EFR3A: variants seen among roughly 807,000 people sequenced by gnomAD.
The protein encoded by EFR3A is protein EFR3 homolog A.
In EFR3A, 76 loss-of-function variants were observed where a neutral mutation model predicts 104.4. That is an observed-to-expected ratio of 0.73 (90% CI 0.60 to 0.88). The LOEUF (loss-of-function observed/expected upper bound fraction) is 0.88. EFR3A is among the 40% of genes least tolerant of loss of function. The probability of loss-of-function intolerance (pLI) is 0.00; values close to 1 mark genes in which losing one functional copy is unlikely to be tolerated. For missense variants in EFR3A, 985 were observed against 1,012.5 expected (o/e 0.97, Z 0.37); for synonymous variants, 330 against 330.0 (o/e 1.00, Z 0.00).
intron 1 of EFR3A, among the ~76,000 whole-genome samples, chr8:131,930,999 C>T (rs970243041): frequency 1.4e-4 from 22 of 152,278 alleles, no homozygotes; most frequent in African/African-American, 5.3e-4. Flanking sequence ...AAATTCTCTA[C>T]ATCATTATAC....
At chr8:131,905,879 T>C (rs1481485907) in intron 1 of EFR3A, among the ~76,000 whole-genome samples, 1 of 152,228 alleles carries the variant, frequency 6.6e-6, no homozygotes, top group African/African-American at 2.4e-5. Flanking sequence ...AATTTTTAGT[T>C]ATGTTCTAGG....
intron 5 of EFR3A, among the ~76,000 whole-genome samples, chr8:131,950,737 T>C (rs917644884): frequency 1.3e-5 from 2 of 152,160 alleles, no homozygotes; most frequent in African/African-American, 4.8e-5. Flanking sequence ...GTTAGTACTT[T>C]TTGAGTGAAT....
chr8:132,007,494 C>G (rs146176638), intron 22 of EFR3A, among the ~76,000 whole-genome samples: 1 of 151,918 alleles, frequency 6.6e-6, no homozygotes, highest in African/African-American at 2.4e-5. Context: ...GAGAGATATA[C>G]CATGTTCATG....
At chr8:131,918,555 A>G (rs1184043144) in intron 1 of EFR3A, among the ~76,000 whole-genome samples, 2 of 152,184 alleles carry the variant, frequency 1.3e-5, no homozygotes, top group Admixed American at 6.5e-5. Flanking sequence ...GGATAGAGAA[A>G]TTACTTAAAA....
chr8:131,977,542 G>T (rs1820386760), intron 12 of EFR3A, among the ~76,000 whole-genome samples: 1 of 152,168 alleles, frequency 6.6e-6, no homozygotes. Flanking sequence ...AAAATTTGAA[G>T]TGGCTATAAG....
intron 7 of EFR3A, among the ~76,000 whole-genome samples, chr8:131,957,600 T>C (rs1045792627): frequency 1.3e-5 from 2 of 152,170 alleles, no homozygotes; most frequent in African/African-American, 4.8e-5. Context: ...TCTGCCTGCC[T>C]TGGCATCCCA....
intron 22 of EFR3A, among the ~76,000 whole-genome samples, chr8:132,009,659 G>A (rs1409748635): frequency 2.6e-5 from 4 of 152,042 alleles, no homozygotes; most frequent in African/African-American, 4.8e-5. Flanking sequence ...ACTGACCAGC[G>A]AGGAAGGGTC....
At chr8:131,944,418 G>C (rs1321246469) in intron 2 of EFR3A, among the ~76,000 whole-genome samples, 1 of 152,016 alleles carries the variant, frequency 6.6e-6, no homozygotes, top group Non-Finnish European at 1.5e-5. Flanking sequence ...TTTTTAAACT[G>C]AAACAAATTT....
At chr8:131,996,754 A>T (rs959323084) in intron 19 of EFR3A, among the ~76,000 whole-genome samples, 1 of 152,130 alleles carries the variant, frequency 6.6e-6, no homozygotes, top group Non-Finnish European at 1.5e-5. Context: ...ATTATAATTT[A>T]GTGTAATAAA....
intron 1 of EFR3A, among the ~76,000 whole-genome samples, chr8:131,919,342 A>C (rs923980506): frequency 7.2e-5 from 11 of 152,138 alleles, no homozygotes; most frequent in Non-Finnish European, 1.5e-4. Flanking sequence ...TCATGCCTGT[A>C]ATCCCAGCAC....
Position 131,976,114 on chromosome 8 carries a change from C to A in EFR3A, c.1247C>A (p.Thr416Asn). ...AAAGTACCTGTCTTTGGAACATCTA[C>A]CCATACTTTGGATATCAGTCAACTA... Reference protein sequence around the residue: ...MGKVPVFGTSTHTLDISQLGD... With the variant: ...MGKVPVFGTSNHTLDISQLGD... The change falls in exon 11 of 23, where the codon ACC (threonine) becomes AAC (asparagine). Residue 416 changes from threonine (T) to asparagine (N), a missense_variant. Physicochemically the swap from Thr to Asn is moderately conservative, Grantham distance 65. Transcript: ENST00000254624. 6.3e-7 allele frequency: 1 copy of A among 1,599,100 alleles called. No homozygotes were observed. Among genetic ancestry groups the A allele is most frequent in the Non-Finnish European group, 8.5e-7 (1 of 1,170,972 alleles).
intron 1 of EFR3A, among the ~76,000 whole-genome samples, chr8:131,920,113 T>C (rs1816931827): frequency 6.6e-6 from 1 of 152,210 alleles, no homozygotes; most frequent in African/African-American, 2.4e-5. Context: ...TGAAAGATTA[T>C]GTAAAAATAT....
intron 19 of EFR3A, chr8:132,000,792 A>G (rs919339996): frequency 6.6e-6 from 1 of 152,220 alleles, no homozygotes; most frequent in Non-Finnish European, 1.5e-5. Flanking sequence ...AAGATTCCCA[A>G]GTTTAATCTG....
intron 10 of EFR3A, among the ~76,000 whole-genome samples, chr8:131,972,364 G>A (rs940951755): frequency 2.6e-5 from 4 of 151,240 alleles, no homozygotes; most frequent in Non-Finnish European, 2.9e-5. Flanking sequence ...AAGGAGCTGC[G>A]GTTGTTTTTA....
At chr8:131,966,281 T>TG (rs1349824880) in intron 8 of EFR3A, among the ~76,000 whole-genome samples, 2 of 152,102 alleles carry the variant, frequency 1.3e-5, no homozygotes, top group African/African-American at 4.8e-5. Context: ...TACTAAAACT[T>TG]GCCTTATTTA....
At chr8:131,912,831 T>G (rs1029548474) in intron 1 of EFR3A, among the ~76,000 whole-genome samples, 3 of 152,218 alleles carry the variant, frequency 2.0e-5, no homozygotes, top group Non-Finnish European at 4.4e-5. Flanking sequence ...TTTGAGTTAC[T>G]GGTCAAGTAG....
At chr8:131,976,452 A>G (rs1380656124) in intron 11 of EFR3A, among the ~76,000 whole-genome samples, 1 of 152,118 alleles carries the variant, frequency 6.6e-6, no homozygotes, top group Non-Finnish European at 1.5e-5. Flanking sequence ...TTAAACATTA[A>G]TGTCAATATA....
chr8:132,002,532 T>C (rs1228639065), intron 20 of EFR3A, 71 bp from the exon 21 acceptor site: 2 of 1,292,976 alleles, frequency 1.5e-6, no homozygotes, highest in East Asian at 4.8e-5. Flanking sequence ...TCATTAACTC[T>C]TAACGGTCAT....
chr8:131,997,382 A>G (rs944162975), intron 19 of EFR3A, among the ~76,000 whole-genome samples: 1 of 152,106 alleles, frequency 6.6e-6, no homozygotes, highest in Admixed American at 6.5e-5. Flanking sequence ...TACAATTCCT[A>G]TTGATTTATT....
Sources: allele counts gnomAD v4.1 joint callset (sites outside exome capture counted in the v4.1 genomes callset), GRCh38; gene constraint gnomAD v4.1.1; transcripts MANE v1.5; gene names NCBI Gene and HGNC (gene_info 2026-07-23, HGNC 2026-07-21).